Variants in RAP1GDS1 observed in about 807,000 individuals in gnomAD.
RAP1GDS1 encodes RAP1, GTP-GDP dissociation stimulator 1.
RAP1GDS1 carries 35 observed loss-of-function variants against 71.1 expected under a neutral mutation model. The observed-to-expected ratio is 0.49, with a 90% CI of 0.38 to 0.65. The LOEUF (loss-of-function observed/expected upper bound fraction) is 0.65, where lower values mean the gene tolerates loss of function less well. RAP1GDS1 is among the 30% of genes least tolerant of loss of function. The pLI is 0.00. For missense variants in RAP1GDS1, 663 were observed against 706.1 expected (o/e 0.94, Z 0.69); for synonymous variants, 229 against 243.1 (o/e 0.94, Z 0.54).
intron 5 of RAP1GDS1, among the ~76,000 whole-genome samples, chr4:98,385,196 CTG>C (rs976282913): frequency 6.6e-6 from 1 of 151,690 alleles, no homozygotes; most frequent in African/African-American, 2.4e-5. Flanking sequence ...TACATTTCAA[CTG>C]ATAGAATTTC....
chr4:98,299,821 A>G (rs890365841), intron 2 of RAP1GDS1, among the ~76,000 whole-genome samples: 1 of 151,668 alleles, frequency 6.6e-6, no homozygotes, highest in African/African-American at 2.4e-5. Flanking sequence ...TTTTAGTACC[A>G]TATTGGCCAG....
chr4:98,381,154 T>C (rs1741948806), intron 5 of RAP1GDS1, among the ~76,000 whole-genome samples: 1 of 151,706 alleles, frequency 6.6e-6, no homozygotes, highest in Admixed American at 6.6e-5. Context: ...TTAGAGACTT[T>C]AGAAAGCTAT....
intron 2 of RAP1GDS1, among the ~76,000 whole-genome samples, chr4:98,312,372 T>A (rs767498654): frequency 4.3e-4 from 65 of 152,206 alleles, no homozygotes; most frequent in Non-Finnish European, 8.5e-4. Context: ...CCTAATCATC[T>A]TTCTGTCAGC....
At chr4:98,436,206 A>G (rs1751118533) in intron 13 of RAP1GDS1, among the ~76,000 whole-genome samples, 1 of 151,986 alleles carries the variant, frequency 6.6e-6, no homozygotes, top group Non-Finnish European at 1.5e-5. Context: ...CACTGCACTG[A>G]TTTTGTACCA....
chr4:98,411,838 G>C (rs1171954888), intron 7 of RAP1GDS1, among the ~76,000 whole-genome samples: 1 of 152,122 alleles, frequency 6.6e-6, no homozygotes, highest in African/African-American at 2.4e-5. Flanking sequence ...ATAGTTCAAG[G>C]ATTTTAGTAT....
chr4:98,318,329 C>T (rs562798037), intron 2 of RAP1GDS1, among the ~76,000 whole-genome samples: 2 of 152,146 alleles, frequency 1.3e-5, no homozygotes, highest in South Asian at 4.2e-4. Context: ...GTTCTGAACC[C>T]TCTGTATACA....
intron 1 of RAP1GDS1, among the ~76,000 whole-genome samples, chr4:98,264,241 A>G (rs1016389787): frequency 6.6e-6 from 1 of 152,096 alleles, no homozygotes; most frequent in African/African-American, 2.4e-5. Context: ...AAATACAAAA[A>G]AACAATTAGC....
chr4:98,370,095 C>G (rs965214799), intron 4 of RAP1GDS1, among the ~76,000 whole-genome samples: 1 of 152,124 alleles, frequency 6.6e-6, no homozygotes, highest in Non-Finnish European at 1.5e-5. Flanking sequence ...CTCACACTTC[C>G]CTCTTTTTCC....
chr4:98,286,293 A>T (rs1361048117), intron 1 of RAP1GDS1, among the ~76,000 whole-genome samples: 2 of 151,244 alleles, frequency 1.3e-5, no homozygotes, highest in African/African-American at 2.4e-5. Context: ...TATTGCCGTG[A>T]GTGCCAGGAG....
At chr4:98,405,630 A>C (rs894469993) in intron 7 of RAP1GDS1, among the ~76,000 whole-genome samples, 1 of 152,094 alleles carries the variant, frequency 6.6e-6, no homozygotes, top group Admixed American at 6.6e-5. Flanking sequence ...CTTTGAACCC[A>C]AAATATGATA....
At position 98,443,149 on chromosome 4, in the gene RAP1GDS1, G is replaced by A. The variant is rs1038255125; in HGVS notation, c.*1032G>A. The A allele has an allele frequency of 1.3e-5, 3 of 223,960 alleles. No individual in the cohort carries two copies. Among genetic ancestry groups the A allele is most frequent in the African/African-American group, 6.8e-5 (3 of 44,072 alleles). The allele number at this position is 223,960 out of a possible 1,614,324, so 13.9% of individuals were successfully genotyped here. A position where few individuals can be genotyped will look rare whatever the true frequency, so the allele number is the denominator to read the frequency against. ...GGTGGAAAGATGAAGAAATAAGCTTGTCTAGACTAAAGAAAGGAAAGCAGG... is the reference window on the plus strand; with the variant it reads ...GGTGGAAAGATGAAGAAATAAGCTTATCTAGACTAAAGAAAGGAAAGCAGG... On this transcript the variant is annotated 3_prime_UTR_variant, in exon 15 of 15. Coordinates refer to ENST00000408927, the MANE Select transcript of RAP1GDS1 (RefSeq NM_001100427.2).
chr4:98,335,550 GT>G (rs33949671), intron 2 of RAP1GDS1, among the ~76,000 whole-genome samples: 8,610 of 148,634 alleles, frequency 0.058, 623 homozygotes, highest in African/African-American at 0.17. Context: ...ATATGAAAAA[GT>G]TTTTTTTTTA....
chr4:98,343,136 T>C lies in RAP1GDS1; in HGVS notation c.113-3T>C. 1 of 1,607,014 alleles carries C rather than the reference T, an allele frequency of 6.2e-7. No individual in the cohort carries two copies. Among genetic ancestry groups the C allele is most frequent in the Non-Finnish European group, 8.5e-7 (1 of 1,175,386 alleles). ...TGAAGCTCTTTGTATGTATCTCTTTTAGATACGGAAACAAGTGAAAAAATC... is the reference window on the plus strand; with the variant it reads ...TGAAGCTCTTTGTATGTATCTCTTTCAGATACGGAAACAAGTGAAAAAATC... On this transcript the variant is annotated splice_polypyrimidine_tract_variant and splice_region_variant and intron_variant, in intron 2 of 14. Coordinates refer to ENST00000408927, the MANE Select transcript of RAP1GDS1 (RefSeq NM_001100427.2).
rs192832497 is a variant in RAP1GDS1, at chr4:98,288,059, T to A, written c.5-5349T>A. ...GTTTTTCTTTTTTTTACTATAAGTTTTAGGGTACATGTGCACAACATGCAG... is the reference window on the plus strand; with the variant it reads ...GTTTTTCTTTTTTTTACTATAAGTTATAGGGTACATGTGCACAACATGCAG... On this transcript the variant is annotated intron_variant, in intron 1 of 14. Transcript: ENST00000408927. Among the ~76,000 whole-genome samples, 69 of 152,312 alleles carry A rather than the reference T, an allele frequency of 4.5e-4. 1 individual carries two copies. The highest frequency in any genetic ancestry group is 3.7e-3 in the Admixed American group (57 of 15,282).
At chr4:98,323,060 G>A (rs1307834112) in intron 2 of RAP1GDS1, among the ~76,000 whole-genome samples, 2 of 151,936 alleles carry the variant, frequency 1.3e-5, no homozygotes, top group Admixed American at 6.6e-5. Flanking sequence ...GAAGAATCAA[G>A]TAGACACAAT....
At chr4:98,375,952 A>AT (rs138438816) in intron 4 of RAP1GDS1, among the ~76,000 whole-genome samples, 117 of 150,086 alleles carry the variant, frequency 7.8e-4, no homozygotes, top group Middle Eastern at 3.4e-3. Flanking sequence ...ACTTGATAAC[A>AT]TTTTTTTTTT....
At chr4:98,394,049 G>A (rs1374876044) in intron 6 of RAP1GDS1, among the ~76,000 whole-genome samples, 1 of 152,088 alleles carries the variant, frequency 6.6e-6, no homozygotes, top group Non-Finnish European at 1.5e-5. Flanking sequence ...AGAGTACATA[G>A]AAGAAAGCAA....
intron 6 of RAP1GDS1, among the ~76,000 whole-genome samples, chr4:98,400,528 T>TAAAA (rs774732053): frequency 0.014 from 1,030 of 74,270 alleles, 20 homozygotes; most frequent in African/African-American, 0.043. Context: ...TTTATAGAAG[T>TAAAA]AAAAAAAAAA....
chr4:98,313,008 G>A lies in RAP1GDS1; in HGVS notation c.112+19493G>A, dbSNP rs552288801. 2.9e-5 allele frequency among the ~76,000 whole-genome samples: 4 copies of A among 139,282 alleles called. No homozygotes were observed. In the South Asian group the frequency reaches 7.0e-4, roughly 24 times the overall value. The allele number at this position is 139,282 out of a possible 152,430, so 91.4% of individuals were successfully genotyped here. On this transcript the variant is annotated intron_variant, in intron 2 of 14. Transcript: ENST00000408927. The stretch of plus-strand genomic sequence containing the variant: ...GGCATGAACTTGGGAGGTGGAACTT[G>A]CAGTGAGCCGAGATCACACCACTGC...
Sources: gnomAD v4.1 joint callset for allele counts (sites outside exome capture counted in the v4.1 genomes callset) on GRCh38, gnomAD v4.1.1 for gene constraint, MANE v1.5 for transcripts, NCBI Gene and HGNC (gene_info 2026-07-23, HGNC 2026-07-21) for gene names.